The following TSEN15 variants were observed in gnomAD, a reference collection of about 807,000 sequenced individuals.
The protein encoded by TSEN15 is tRNA splicing endonuclease subunit 15.
Under a neutral mutation model 20.5 loss-of-function variants are expected in TSEN15, and 10 were observed. That is an observed-to-expected ratio of 0.49 (90% confidence interval 0.30 to 0.83). The LOEUF is 0.83. Among genes scored for constraint, TSEN15 ranks in the 40% least tolerant of loss-of-function variants. The pLI, the probability that TSEN15 is intolerant of heterozygous loss-of-function variation, is 0.06. For missense variants in TSEN15, 180 were observed against 218.6 expected, an observed-to-expected ratio of 0.82 and a Z score of 1.11; for synonymous variants, 72 against 80.1, an observed-to-expected ratio of 0.90 and a Z score of 0.54.
chr1:184,095,479 A>G (rs937974455), intron 3 of TSEN15: 2 of 387,976 alleles, frequency 5.2e-6, no homozygotes, highest in African/African-American at 4.1e-5. Context: ...CTGAAGCTCT[A>G]ATCTCCAGTG....
chr1:184,078,055 G>T (rs558886388), downstream of TSEN15, among the ~76,000 whole-genome samples: 15 of 152,210 alleles, frequency 9.9e-5, no homozygotes, highest in Admixed American at 4.6e-4. Context: ...AGTCTACAGA[G>T]AAATCTTTTG....
chr1:184,065,670 T>C (rs1168225187), intron 3 of TSEN15, among the ~76,000 whole-genome samples: 1 of 152,226 alleles, frequency 6.6e-6, no homozygotes, highest in Non-Finnish European at 1.5e-5. Flanking sequence ...CCTGCTAGCA[T>C]GGCATTTTGG....
intron 3 of TSEN15, among the ~76,000 whole-genome samples, chr1:184,089,219 C>A (rs1436409786): frequency 2.2e-4 from 33 of 152,202 alleles, no homozygotes; most frequent in Admixed American, 2.2e-3. Context: ...GTCCACCAGT[C>A]TTTGATATCA....
chr1:184,095,784 C>T, exon 4 of TSEN15: 1 of 398,516 alleles, frequency 2.5e-6, no homozygotes, highest in Non-Finnish European at 4.4e-6. Context: ...AATGTTCCTG[C>T]ACTTCGGTCT....
chr1:184,092,371 G>A (rs566613713), intron 3 of TSEN15, among the ~76,000 whole-genome samples: 1 of 152,240 alleles, frequency 6.6e-6, no homozygotes, highest in Non-Finnish European at 1.5e-5. Context: ...TAGGAAATAA[G>A]TAGGGACTGT....
At chr1:184,055,010 T>A in intron 3 of TSEN15, 147 bp downstream of exon 3, 2 of 875,986 alleles carry the variant, frequency 2.3e-6, no homozygotes, top group Non-Finnish European at 1.7e-6. Context: ...TAAATATGAG[T>A]GTTGTATTCG....
At chr1:184,079,670 C>T (rs182421654) in intron 3 of TSEN15, among the ~76,000 whole-genome samples, 3 of 152,232 alleles carry the variant, frequency 2.0e-5, no homozygotes, top group Non-Finnish European at 4.4e-5. Flanking sequence ...GATTAGGGCC[C>T]CATCCTTATG....
downstream of TSEN15, among the ~76,000 whole-genome samples, chr1:184,074,829 G>A (rs1014353443): frequency 6.6e-6 from 1 of 151,828 alleles, no homozygotes; most frequent in Non-Finnish European, 1.5e-5. Context: ...TTTATTCTTG[G>A]TGGGAGGTCT....
At chr1:184,057,539 T>G (rs1205744982) in intron 3 of TSEN15, among the ~76,000 whole-genome samples, 1 of 152,176 alleles carries the variant, frequency 6.6e-6, no homozygotes, top group African/African-American at 2.4e-5. Context: ...ACTTAACATT[T>G]TGTTTGATGT....
At chr1:184,091,688 G>A (rs1651360574) in intron 3 of TSEN15, among the ~76,000 whole-genome samples, 1 of 152,072 alleles carries the variant, frequency 6.6e-6, no homozygotes, top group Admixed American at 6.6e-5. Context: ...TTGGCTGGAA[G>A]CAGAAAACAA....
chr1:184,072,982 A>G lies in TSEN15; in HGVS notation c.*135A>G, dbSNP rs1293322515. ...GACTTCCCCATTCCATAAGGTTTTC[A>G]TTCTGAAGAGTAAAACTTCCCCAGG... On this transcript the variant is annotated 3_prime_UTR_variant, in exon 5 of 5. Transcript: ENST00000645668. 1.2e-6 allele frequency: 1 copy of G among 828,238 alleles called. No homozygotes were observed. The highest frequency in any genetic ancestry group is 1.8e-5 in the African/African-American group (1 of 56,586). The allele number at this position is 828,238 out of a possible 1,614,324, so 51.3% of individuals were successfully genotyped here. A position where few individuals can be genotyped will look rare whatever the true frequency, so the allele number is the denominator to read the frequency against.
intron 1 of TSEN15, 121 bp downstream of exon 1, chr1:184,052,011 AG>A (rs902826648): frequency 9.1e-7 from 1 of 1,093,560 alleles, no homozygotes; most frequent in Non-Finnish European, 1.2e-6. Context: ...ACCCTCACCG[AG>A]GGGGACCGGT....
chr1:184,051,745 C>A lies in TSEN15; in HGVS notation c.-11C>A. 7.0e-7 allele frequency: 1 copy of A among 1,432,708 alleles called. No individual in the cohort carries two copies. Among genetic ancestry groups the A allele is most frequent in the Non-Finnish European group, 9.2e-7 (1 of 1,091,416 alleles). 88.7% of individuals were successfully genotyped at this position (1,432,708 alleles called of 1,614,324 possible). ...GTCGTGGTGCACCACGGGAGCGCCG[C>A]ACCGGCCGGCATGGAGGAGCGCGGC... is the stretch of plus-strand genomic sequence containing the variant. On this transcript the variant is annotated 5_prime_UTR_variant, in exon 1 of 5. Coordinates refer to ENST00000645668, the MANE Select transcript of TSEN15 (RefSeq NM_052965.4).
intron 3 of TSEN15, among the ~76,000 whole-genome samples, chr1:184,088,672 G>A (rs1174375584): frequency 8.2e-6 from 1 of 121,688 alleles, no homozygotes; most frequent in African/African-American, 3.0e-5. Context: ...CACATGTCAT[G>A]TTTAATTGTG....
intron 3 of TSEN15, chr1:184,058,289 C>A: frequency 3.1e-6 from 1 of 325,152 alleles, no homozygotes; most frequent in South Asian, 2.8e-5. Flanking sequence ...GAGCTTAAAT[C>A]TTTATGTCTT....
intron 3 of TSEN15, among the ~76,000 whole-genome samples, chr1:184,057,677 T>C (rs1650297072): frequency 6.6e-6 from 1 of 152,226 alleles, no homozygotes; most frequent in Non-Finnish European, 1.5e-5. Flanking sequence ...ATTTTCATTG[T>C]GCATATTTCA....
intron 1 of TSEN15, 95 bp downstream of exon 1, chr1:184,051,985 A>G: frequency 8.1e-7 from 1 of 1,236,302 alleles, no homozygotes; most frequent in Non-Finnish European, 1.0e-6. Flanking sequence ...TCAGTGGGAG[A>G]CTGAGGACGC....
At chr1:184,056,842 T>C (rs905796718) in intron 3 of TSEN15, among the ~76,000 whole-genome samples, 3 of 152,180 alleles carry the variant, frequency 2.0e-5, no homozygotes, top group African/African-American at 4.8e-5. Context: ...TTAGCCAGTT[T>C]ATCTGTCCTT....
intron 3 of TSEN15, among the ~76,000 whole-genome samples, chr1:184,057,775 A>T (rs768774663): frequency 2.0e-5 from 3 of 152,170 alleles, no homozygotes; most frequent in Non-Finnish European, 2.9e-5. Flanking sequence ...TTAATATGTC[A>T]GTCTATTCAT....
Sources: allele counts gnomAD v4.1 joint callset (sites outside exome capture counted in the v4.1 genomes callset), GRCh38; gene constraint gnomAD v4.1.1; transcripts MANE v1.5; gene names NCBI Gene and HGNC (gene_info 2026-07-23, HGNC 2026-07-21).